Variants in ELP6 observed in about 807,000 individuals in gnomAD.
The protein encoded by ELP6 is elongator acetyltransferase complex subunit 6.
In ELP6, 23 loss-of-function variants were observed where a neutral mutation model predicts 28.1. That is an observed-to-expected ratio of 0.82 (90% CI 0.59 to 1.16). The LOEUF (loss-of-function observed/expected upper bound fraction) is 1.16. Ranked by LOEUF, ELP6 falls within the 50% of genes most tolerant of loss-of-function variation. The pLI is 0.00. For missense variants in ELP6, 313 were observed against 334.6 expected, an observed-to-expected ratio of 0.94 and a Z score of 0.50; for synonymous variants, 132 against 135.8, an observed-to-expected ratio of 0.97 and a Z score of 0.19.
At chr3:47,510,056 G>A (rs908628659) in intron 3 of ELP6, 128 bp downstream of exon 3, 31 of 752,528 alleles carry the variant, frequency 4.1e-5, no homozygotes, top group South Asian at 3.5e-4. Context: ...CACCACGCCC[G>A]GCCCAATATT....
At chr3:47,509,910 C>A in intron 3 of ELP6, 1 of 258,174 alleles carries the variant, frequency 3.9e-6, no homozygotes, top group Non-Finnish European at 7.4e-6. Context: ...TATGGGTATG[C>A]ACCACCACGC....
At chr3:47,504,097 T>C (rs949933104) in intron 4 of ELP6, 1 of 477,314 alleles carries the variant, frequency 2.1e-6, no homozygotes, top group Admixed American at 3.9e-5. Flanking sequence ...AGCATATAGT[T>C]CTGCCATCCT....
rs2029998727 is a variant in ELP6, at chr3:47,513,614, C to T, written c.-24G>A. The T allele has an allele frequency of 1.2e-6, 2 of 1,613,112 alleles. No individual in the cohort carries two copies. The highest frequency in any genetic ancestry group is 2.2e-5 in the South Asian group (2 of 90,912). On this transcript the variant is annotated 5_prime_UTR_variant, in exon 1 of 7. Transcript: ENST00000296149. ...ATTCCGAGCTCCTGGGACTAGCGCT[C>T]TGGAGGAGAACCCGGAGTGCTGCAG...
chr3:47,510,728 G>A (rs561543634), intron 2 of ELP6, among the ~76,000 whole-genome samples: 28 of 152,286 alleles, frequency 1.8e-4, no homozygotes, highest in African/African-American at 6.5e-4. Context: ...CCGAATGCTG[G>A]GATTATAGAT....
chr3:47,510,038 G>T, intron 3 of ELP6, 146 bp downstream of exon 3: 1 of 636,612 alleles, frequency 1.6e-6, no homozygotes, highest in Non-Finnish European at 2.7e-6. Flanking sequence ...GGGATTACAG[G>T]CGTGAGCCAC....
chr3:47,505,043 G>A (rs1317184477), intron 3 of ELP6, among the ~76,000 whole-genome samples: 1 of 152,102 alleles, frequency 6.6e-6, no homozygotes, highest in Admixed American at 6.6e-5. Flanking sequence ...AAAGTGGGCA[G>A]ATCACCTGAG....
chr3:47,507,516 C>T (rs993742398), intron 3 of ELP6, among the ~76,000 whole-genome samples: 4 of 151,524 alleles, frequency 2.6e-5, no homozygotes, highest in African/African-American at 9.7e-5. Flanking sequence ...TCACATGGGG[C>T]TCGGCATGGT....
At chr3:47,504,251 G>A (rs1403331726) in intron 4 of ELP6, 79 bp downstream of exon 4, 2 of 1,481,310 alleles carry the variant, frequency 1.4e-6, no homozygotes, top group Non-Finnish European at 1.8e-6. Context: ...CAATAAGAAG[G>A]AATCACACAG....
At chr3:47,505,857 C>T (rs1456396401) in intron 3 of ELP6, among the ~76,000 whole-genome samples, 1 of 152,196 alleles carries the variant, frequency 6.6e-6, no homozygotes, top group African/African-American at 2.4e-5. Flanking sequence ...CAGGCGTGAG[C>T]CACCGTGCCC....
intron 1 of ELP6, chr3:47,512,028 A>G: frequency 1.0e-6 from 1 of 985,392 alleles, no homozygotes; most frequent in South Asian, 4.7e-5. Flanking sequence ...TGATTACTCC[A>G]TTCTTTCACC....
At chr3:47,503,874 G>A (rs984747056) in intron 4 of ELP6, among the ~76,000 whole-genome samples, 6 of 152,062 alleles carry the variant, frequency 3.9e-5, no homozygotes, top group African/African-American at 1.2e-4. Context: ...CTGGGTGACA[G>A]AGCGAGACTC....
chr3:47,505,258 C>A (rs996038368), intron 3 of ELP6, among the ~76,000 whole-genome samples: 1 of 152,038 alleles, frequency 6.6e-6, no homozygotes, highest in African/African-American at 2.4e-5. Context: ...AAGAGTGAAA[C>A]TGTCTCAAAA....
chr3:47,512,370 A>G (rs1709040018), intron 1 of ELP6: 1 of 160,668 alleles, frequency 6.2e-6, no homozygotes, highest in African/African-American at 2.4e-5. Flanking sequence ...CCCCGTCTCT[A>G]ACAAAAAATA....
intron 1 of ELP6, chr3:47,512,823 G>T: frequency 1.0e-6 from 1 of 959,366 alleles, no homozygotes; most frequent in Non-Finnish European, 1.2e-6. Context: ...CGGTTAGGAA[G>T]CTCGCCCATG....
In ELP6 at chr3:47,501,866, C is replaced by A; in HGVS notation, c.324-15G>T. On this transcript the variant is annotated splice_polypyrimidine_tract_variant and intron_variant, in intron 4 of 6. Coordinates refer to ENST00000296149, the MANE Select transcript of ELP6 (RefSeq NM_001031703.3). ...CATTAGCCTCCCTGGAGAGACAGGA[C>A]AAAAGTTACCAGACTTCACTCTCTC... The A allele has an allele frequency of 1.2e-6, 2 of 1,605,614 alleles. No individual in the cohort carries two copies. The highest frequency in any genetic ancestry group is 1.7e-6 in the Non-Finnish European group (2 of 1,175,794).
chr3:47,509,617 GAGA>G (rs1708953398), intron 3 of ELP6, among the ~76,000 whole-genome samples: 1 of 152,200 alleles, frequency 6.6e-6, no homozygotes, highest in Non-Finnish European at 1.5e-5. Flanking sequence ...AACTCATACG[GAGA>G]AGGAGAAAAC....
At chr3:47,496,547 G>A (rs1426508659) in intron 6 of ELP6, 2 of 918,090 alleles carry the variant, frequency 2.2e-6, no homozygotes, top group Non-Finnish European at 2.6e-6. Context: ...CCAGGCTGGA[G>A]TGCAGTGGCG....
intron 3 of ELP6, among the ~76,000 whole-genome samples, chr3:47,505,240 T>C (rs1228168764): frequency 6.6e-6 from 1 of 152,088 alleles, no homozygotes; most frequent in East Asian, 1.9e-4. Context: ...CCCTCCAGCC[T>C]GGGTGACAAG....
chr3:47,505,127 C>T (rs1214821963), intron 3 of ELP6, among the ~76,000 whole-genome samples: 2 of 151,874 alleles, frequency 1.3e-5, no homozygotes, highest in East Asian at 1.9e-4. Flanking sequence ...ATTAGCCAGG[C>T]GTGGTGGCGG....
Sources: allele counts gnomAD v4.1 joint callset (sites outside exome capture counted in the v4.1 genomes callset), GRCh38; gene constraint gnomAD v4.1.1; transcripts MANE v1.5; gene names NCBI Gene and HGNC (gene_info 2026-07-23, HGNC 2026-07-21).